The following PCNX2 variants were observed in gnomAD, a reference collection of about 807,000 sequenced individuals.
The protein encoded by PCNX2 is pecanex 2.
PCNX2 carries 168 observed loss-of-function variants against 223.8 expected under a neutral mutation model. The observed-to-expected ratio is 0.75, with a 90% CI of 0.66 to 0.85. The LOEUF (loss-of-function observed/expected upper bound fraction) is 0.85, where lower values mean the gene tolerates loss of function less well. Among genes scored for constraint, PCNX2 ranks in the 40% least tolerant of loss-of-function variants. PCNX2 has a pLI of 0.00. For synonymous variants in PCNX2, 1,006 were observed against 1,052.6 expected (o/e 0.96, Z 0.86); for missense variants, 2,507 against 2,675.5 (o/e 0.94, Z 1.39).
rs1365486278 is a variant in PCNX2, at chr1:232,990,603, T to C, written c.5792-4063A>G. 1.3e-5 allele frequency among the ~76,000 whole-genome samples: 2 copies of C among 152,128 alleles called. No individual in the cohort carries two copies. The highest frequency in any genetic ancestry group is 4.8e-5 in the African/African-American group (2 of 41,422). On this transcript the variant is annotated intron_variant, in intron 32 of 33. Coordinates refer to ENST00000258229, the MANE Select transcript of PCNX2 (RefSeq NM_014801.4). The surrounding 1 kb of genome is among the most constrained non-coding windows in gnomAD (Gnocchi z 4.3). The stretch of plus-strand genomic sequence containing the variant: ...TGGCTGAGGCCAGGAGGGGTAACCA[T>C]CCACTCATTCGTCCAACCTTTGTCT...
intron 21 of PCNX2, among the ~76,000 whole-genome samples, chr1:233,105,831 T>C (rs1185598555): frequency 6.6e-6 from 1 of 152,198 alleles, no homozygotes; most frequent in Non-Finnish European, 1.5e-5. Context: ...TGCTAATTAG[T>C]GTATCCATAA....
intron 9 of PCNX2, among the ~76,000 whole-genome samples, chr1:233,235,973 T>TATATAA (rs1309473700): frequency 1.4e-5 from 2 of 143,670 alleles, no homozygotes; most frequent in East Asian, 4.0e-4. Context: ...TATATATATA[T>TATATAA]ATATATATAT....
intron 21 of PCNX2, among the ~76,000 whole-genome samples, chr1:233,132,417 T>C (rs1477935263): frequency 1.3e-5 from 2 of 152,180 alleles, no homozygotes. Context: ...GAGCCACATA[T>C]TTTTGTCAGT....
At chr1:233,129,169 C>T (rs1422287296) in intron 21 of PCNX2, among the ~76,000 whole-genome samples, 1 of 152,230 alleles carries the variant, frequency 6.6e-6, no homozygotes, top group East Asian at 1.9e-4. Flanking sequence ...GCTTGTGGGC[C>T]AGCTAGAGTT....
At chr1:233,018,992 C>A in intron 26 of PCNX2, 4 of 985,340 alleles carry the variant, frequency 4.1e-6, no homozygotes, top group African/African-American at 1.7e-5. Flanking sequence ...TCTAGGGGGG[C>A]CCCCACCCTC....
At chr1:233,300,992 C>G in the PCNX2 span, among the ~76,000 whole-genome samples, 2 of 152,094 alleles carry the variant, frequency 1.3e-5, no homozygotes, top group African/African-American at 2.4e-5. Flanking sequence ...TTTGTAACCC[C>G]CTAGAGGGCT....
At chr1:233,110,446 A>C (rs1404890549) in intron 21 of PCNX2, among the ~76,000 whole-genome samples, 1 of 152,214 alleles carries the variant, frequency 6.6e-6, no homozygotes. Flanking sequence ...TATCTTTCAA[A>C]AATATAAGAG....
chr1:233,302,887 G>A, the PCNX2 span, among the ~76,000 whole-genome samples: 2 of 152,018 alleles, frequency 1.3e-5, no homozygotes, highest in African/African-American at 2.4e-5. Flanking sequence ...CTTAATAACT[G>A]TCAGACTTGA....
At chr1:233,216,414 G>A (rs1004186982) in intron 12 of PCNX2, among the ~76,000 whole-genome samples, 8 of 152,178 alleles carry the variant, frequency 5.3e-5, no homozygotes, top group African/African-American at 1.4e-4. Flanking sequence ...CAATATATGT[G>A]AAAATGTGGA....
chr1:233,059,432 G>A (rs770580553), intron 23 of PCNX2, among the ~76,000 whole-genome samples: 7 of 152,054 alleles, frequency 4.6e-5, no homozygotes, highest in Admixed American at 1.3e-4. Flanking sequence ...CCATTCTCAC[G>A]GCGGATGAGG....
intron 8 of PCNX2, among the ~76,000 whole-genome samples, chr1:233,243,838 TTA>T (rs66745330): frequency 0.062 from 9,138 of 146,550 alleles, 785 homozygotes; most frequent in African/African-American, 0.21. Flanking sequence ...TTTTTATTTT[TTA>T]TTTTTTTTTG....
intron 17 of PCNX2, among the ~76,000 whole-genome samples, chr1:233,173,325 C>A (rs1679272351): frequency 2.6e-5 from 4 of 152,156 alleles, no homozygotes; most frequent in African/African-American, 9.7e-5. Context: ...TGCCACCACA[C>A]CTGGCTAATT....
chr1:233,015,550 T>C (rs1237398951), intron 27 of PCNX2, among the ~76,000 whole-genome samples: 1 of 151,942 alleles, frequency 6.6e-6, no homozygotes, highest in Non-Finnish European at 1.5e-5. Context: ...AATACAAAAA[T>C]TAGCCAGGCA....
At position 233,235,991 on chromosome 1, in the gene PCNX2, T is replaced by G. The variant is rs1279402998; in HGVS notation, c.2358+854A>C. 3.5e-5 allele frequency among the ~76,000 whole-genome samples: 5 copies of G among 144,588 alleles called. No homozygotes were observed. In the East Asian group the frequency reaches 9.9e-4, roughly 29 times the overall value. 94.9% of individuals were successfully genotyped at this position (144,588 alleles called of 152,430 possible). A position where few individuals can be genotyped will look rare whatever the true frequency, so the allele number is the denominator to read the frequency against. On this transcript the variant is annotated intron_variant, in intron 9 of 33. Coordinates refer to ENST00000258229, the MANE Select transcript of PCNX2 (RefSeq NM_014801.4). ...ATATATATATATATATATATAATTA[T>G]ATTATTTTTTCAAAGATGAGCTTTT... is the stretch of plus-strand genomic sequence containing the variant.
At chr1:233,175,161 G>T (rs12032688) in intron 17 of PCNX2, among the ~76,000 whole-genome samples, 1 of 147,978 alleles carries the variant, frequency 6.8e-6, no homozygotes, top group East Asian at 1.9e-4. Flanking sequence ...CAGAGACAAT[G>T]GGAGGGGGGT....
chr1:233,252,466 G>A lies in PCNX2; in HGVS notation c.2016C>T (p.Tyr672=). Residue 672 remains tyrosine, a synonymous_variant, in exon 7 of 34, where the codon TAC becomes TAT. Transcript: ENST00000258229. ...FQGNRQRQII[Y]RVTSQQDSSV... ...AACTATCTTGTTGGGAAGTTACCCT[G>A]TAGATTATCTGTCTTTGTCTATTGC... The A allele has an allele frequency of 6.2e-7, 1 of 1,613,068 alleles. No individual in the cohort carries two copies. The highest frequency in any genetic ancestry group is 8.5e-7 in the Non-Finnish European group (1 of 1,179,230).
intron 9 of PCNX2, among the ~76,000 whole-genome samples, chr1:233,235,957 A>AAT (rs1553319644): frequency 0.03 from 2,794 of 93,060 alleles, 43 homozygotes; most frequent in Non-Finnish European, 0.032. Flanking sequence ...CATAAAAAAA[A>AAT]ATATATATAT....
intron 17 of PCNX2, among the ~76,000 whole-genome samples, chr1:233,162,743 T>C (rs531675010): frequency 2.0e-5 from 3 of 152,298 alleles, no homozygotes; most frequent in African/African-American, 7.2e-5. Context: ...AGATGTTAAT[T>C]TTTCTCTCCT....
chr1:233,237,739 T>C (rs1658505076), intron 8 of PCNX2, among the ~76,000 whole-genome samples: 1 of 152,198 alleles, frequency 6.6e-6, no homozygotes, highest in Admixed American at 6.5e-5. Context: ...TCTCCTAACA[T>C]AACTCCATTT....
Sources: gnomAD v4.1 joint callset for allele counts (sites outside exome capture counted in the v4.1 genomes callset) on GRCh38, gnomAD v4.1.1 for gene constraint, Gnocchi (gnomAD v3.1) non-coding constraint, MANE v1.5 for transcripts, NCBI Gene and HGNC (gene_info 2026-07-23, HGNC 2026-07-21) for gene names.